STK32A: variants seen among roughly 807,000 people sequenced by gnomAD.
STK32A encodes serine/threonine-protein kinase 32A.
In STK32A, 41 loss-of-function variants were observed where a neutral mutation model predicts 53.2. That is an observed-to-expected ratio of 0.77 (90% CI 0.60 to 1.00). The LOEUF (loss-of-function observed/expected upper bound fraction) is 1.00, where lower values mean the gene tolerates loss of function less well. Among genes scored for constraint, STK32A ranks in the 50% least tolerant of loss-of-function variants. The probability of loss-of-function intolerance (pLI) is 0.00; values close to 1 mark genes in which losing one functional copy is unlikely to be tolerated. For missense variants in STK32A, 458 were observed against 485.8 expected (o/e 0.94, Z 0.54); for synonymous variants, 166 against 162.8 (o/e 1.02, Z -0.15).
Position 147,373,230 on chromosome 5 carries a change from A to G in STK32A, c.839A>G (p.Tyr280Cys). Residue 280 changes from tyrosine (Y) to cysteine (C), a missense_variant, in exon 10 of 13, where the codon TAT becomes TGT. Physicochemically the swap from Tyr to Cys is radical, Grantham distance 194. Transcript: ENST00000397936. ...TTATCTGATGTCCAGAACTTCCCGTATATGAATGATATAAACTGGGATGCA... is the reference window on the plus strand; with the variant it reads ...TTATCTGATGTCCAGAACTTCCCGTGTATGAATGATATAAACTGGGATGCA... ...SQLSDVQNFP[Y>C]MNDINWDAVF... The G allele has an allele frequency of 6.8e-6, 11 of 1,613,554 alleles. No homozygotes were observed. Among genetic ancestry groups the G allele is most frequent in the Non-Finnish European group, 9.3e-6 (11 of 1,179,616 alleles).
intron 4 of STK32A, among the ~76,000 whole-genome samples, chr5:147,291,218 T>C (rs1160569281): frequency 3.3e-5 from 5 of 152,140 alleles, no homozygotes; most frequent in Non-Finnish European, 5.9e-5. Context: ...AAAGAAAGCA[T>C]TGTGGATGAA....
At chr5:147,273,217 A>G (rs1473760120) in intron 2 of STK32A, among the ~76,000 whole-genome samples, 1 of 152,250 alleles carries the variant, frequency 6.6e-6, no homozygotes, top group Non-Finnish European at 1.5e-5. Flanking sequence ...AATAAAAAGT[A>G]TCATCACTGG....
At chr5:147,285,589 T>C (rs1752289601) in intron 4 of STK32A, among the ~76,000 whole-genome samples, 1 of 151,752 alleles carries the variant, frequency 6.6e-6, no homozygotes, top group African/African-American at 2.4e-5. Context: ...CTCAAGTAAA[T>C]CAGTAAGGAA....
intron 4 of STK32A, among the ~76,000 whole-genome samples, chr5:147,284,717 A>T (rs886988596): frequency 6.6e-6 from 1 of 151,250 alleles, no homozygotes; most frequent in African/African-American, 2.4e-5. Flanking sequence ...CAAAAAAAAA[A>T]CAAATACTTA....
chr5:147,240,760 A>G (rs142501996), intron 2 of STK32A, among the ~76,000 whole-genome samples: 1 of 152,218 alleles, frequency 6.6e-6, no homozygotes, highest in South Asian at 2.1e-4. Context: ...TATCTTTCTC[A>G]TGTGACAATC....
At chr5:147,250,335 T>A (rs1395194471) in intron 2 of STK32A, among the ~76,000 whole-genome samples, 1 of 152,090 alleles carries the variant, frequency 6.6e-6, no homozygotes, top group African/African-American at 2.4e-5. Flanking sequence ...GGGTATTAAT[T>A]CTACGGGGAT....
intron 3 of STK32A, 34 bp downstream of exon 3, chr5:147,278,213 G>T: frequency 6.4e-7 from 1 of 1,556,542 alleles, no homozygotes; most frequent in East Asian, 2.3e-5. Context: ...ACCACCAGCA[G>T]GGTTATGTAG....
intron 2 of STK32A, among the ~76,000 whole-genome samples, chr5:147,263,484 G>C (rs977427398): frequency 2.0e-5 from 3 of 151,980 alleles, no homozygotes; most frequent in Non-Finnish European, 4.4e-5. Context: ...TTAGCAAAAA[G>C]TATAAGAAAG....
intron 2 of STK32A, among the ~76,000 whole-genome samples, chr5:147,252,291 C>A (rs1288636334): frequency 1.3e-5 from 2 of 151,990 alleles, no homozygotes; most frequent in African/African-American, 4.8e-5. Context: ...GAAGTTTTTG[C>A]CACTTTGATA....
intron 7 of STK32A, among the ~76,000 whole-genome samples, chr5:147,351,634 G>T (rs1171936116): frequency 2.0e-5 from 3 of 152,058 alleles, no homozygotes; most frequent in Non-Finnish European, 4.4e-5. Context: ...AGATCATGAG[G>T]TCAAAAGATT....
intron 7 of STK32A, among the ~76,000 whole-genome samples, chr5:147,352,838 C>G (rs77350412): frequency 0.011 from 1,633 of 152,156 alleles, 27 homozygotes; most frequent in African/African-American, 0.037. Context: ...TGTGATTTGT[C>G]TTGGGGAGAA....
intron 11 of STK32A, among the ~76,000 whole-genome samples, chr5:147,381,069 T>G: frequency 6.6e-6 from 1 of 152,198 alleles, no homozygotes; most frequent in South Asian, 2.1e-4. Context: ...AGGACTCCTT[T>G]GAGCATTTCT....
At chr5:147,316,762 G>A (rs777362865) in intron 4 of STK32A, among the ~76,000 whole-genome samples, 1 of 150,340 alleles carries the variant, frequency 6.7e-6, no homozygotes, top group Non-Finnish European at 1.5e-5. Flanking sequence ...GGCTGAGGCT[G>A]GAGGATTGCC....
chr5:147,243,738 C>CAAAAAAAAAAA (rs377312425), intron 2 of STK32A, among the ~76,000 whole-genome samples: 1 of 134,760 alleles, frequency 7.4e-6, no homozygotes, highest in African/African-American at 2.7e-5. Flanking sequence ...AGACTCTGTC[C>CAAAAAAAAAAA]AAAAAAAAAC....
intron 2 of STK32A, among the ~76,000 whole-genome samples, chr5:147,240,313 G>C (rs553749828): frequency 6.6e-6 from 1 of 152,266 alleles, no homozygotes; most frequent in African/African-American, 2.4e-5. Flanking sequence ...TGTTAAGTCT[G>C]AACAGCATTG....
At chr5:147,343,646 T>C (rs1755547541) in intron 6 of STK32A, among the ~76,000 whole-genome samples, 1 of 152,198 alleles carries the variant, frequency 6.6e-6, no homozygotes, top group Non-Finnish European at 1.5e-5. Flanking sequence ...AAGTCTAATA[T>C]TGGTACAATT....
chr5:147,302,871 T>C (rs1233952573), intron 4 of STK32A, among the ~76,000 whole-genome samples: 1 of 152,300 alleles, frequency 6.6e-6, no homozygotes, highest in East Asian at 1.9e-4. Context: ...TGTTTCATTG[T>C]TGTGGGGAGA....
At chr5:147,319,183 C>T (rs1167557997) in intron 4 of STK32A, among the ~76,000 whole-genome samples, 2 of 149,884 alleles carry the variant, frequency 1.3e-5, no homozygotes, top group Non-Finnish European at 1.5e-5. Flanking sequence ...CGCTGTGTCG[C>T]CCAGGCTGGA....
the STK32A span, chr5:147,397,806 C>T: frequency 1.2e-6 from 2 of 1,613,764 alleles, no homozygotes; most frequent in Non-Finnish European, 1.7e-6. Context: ...AGAGGAGCCC[C>T]GCGCAGCTCC....
Sources: gnomAD v4.1 joint callset for allele counts (sites outside exome capture counted in the v4.1 genomes callset) on GRCh38, gnomAD v4.1.1 for gene constraint, MANE v1.5 for transcripts, NCBI Gene and HGNC (gene_info 2026-07-23, HGNC 2026-07-21) for gene names.